CADPS: variants seen among roughly 807,000 people sequenced by gnomAD.
CADPS encodes the protein calcium-dependent secretion activator 1.
In CADPS, 57 loss-of-function variants were observed where a neutral mutation model predicts 167.3. That is an observed-to-expected ratio of 0.34 (90% CI 0.28 to 0.42). The LOEUF (loss-of-function observed/expected upper bound fraction) is 0.42, where lower values mean the gene tolerates loss of function less well. Ranked by LOEUF, CADPS falls within the 20% of genes least tolerant of loss-of-function variation. CADPS has a pLI of 1.00. For missense variants in CADPS, 1,414 were observed against 1,738.1 expected (o/e 0.81, Z 3.32); for synonymous variants, 676 against 635.3 (o/e 1.06, Z -0.96).
At chr3:62,847,302 A>T (rs2077651099) in intron 1 of CADPS, among the ~76,000 whole-genome samples, 4 of 137,564 alleles carry the variant, frequency 2.9e-5, no homozygotes, top group African/African-American at 5.6e-5. Context: ...TTATACTTTA[A>T]GTTTTAGGGT....
At chr3:62,719,227 T>C (rs1048183576) in intron 3 of CADPS, among the ~76,000 whole-genome samples, 1 of 152,202 alleles carries the variant, frequency 6.6e-6, no homozygotes. Context: ...TGGGCCCTGT[T>C]CTAGCCATAC....
Position 62,659,980 on chromosome 3 carries a change from T to C in CADPS, c.969+2334A>G, listed in dbSNP as rs150131790. On this transcript the variant is annotated intron_variant, in intron 4 of 29. Coordinates refer to ENST00000383710, the MANE Select transcript of CADPS (RefSeq NM_003716.4). The stretch of plus-strand genomic sequence containing the variant: ...AAATAATAATCAAGATCCACTTTAA[T>C]TGCCTACTTCATTGTCTAAGAATGC... 1.9e-3 allele frequency among the ~76,000 whole-genome samples: 287 copies of C among 152,312 alleles called. 2 individuals are homozygous for C. Among genetic ancestry groups the C allele is most frequent in the African/African-American group, 6.7e-3 (279 of 41,576 alleles).
chr3:62,605,704 T>A (rs2060604307), intron 6 of CADPS, among the ~76,000 whole-genome samples: 1 of 152,196 alleles, frequency 6.6e-6, no homozygotes, highest in African/African-American at 2.4e-5. Flanking sequence ...AAAATGGAGA[T>A]GTCTATAGTG....
intron 10 of CADPS, among the ~76,000 whole-genome samples, chr3:62,555,119 G>A (rs1036604008): frequency 3.3e-5 from 5 of 152,148 alleles, no homozygotes; most frequent in African/African-American, 7.2e-5. Context: ...TTAAGTCTCC[G>A]TTTTCAATCA....
intron 3 of CADPS, among the ~76,000 whole-genome samples, chr3:62,748,325 G>C (rs140223008): frequency 9.1e-6 from 1 of 109,654 alleles, no homozygotes; most frequent in Non-Finnish European, 1.8e-5. Flanking sequence ...CAGCCTGGGC[G>C]AGAAGCGAGA....
chr3:62,855,995 A>G (rs1422721061), intron 1 of CADPS, among the ~76,000 whole-genome samples: 1 of 152,210 alleles, frequency 6.6e-6, no homozygotes, highest in African/African-American at 2.4e-5. Context: ...AACAAAGACT[A>G]TTCTTTGTTT....
At chr3:62,453,720 A>G (rs1048151315) in intron 26 of CADPS, among the ~76,000 whole-genome samples, 2 of 152,168 alleles carry the variant, frequency 1.3e-5, no homozygotes, top group African/African-American at 2.4e-5. Flanking sequence ...GCCCCTTCCA[A>G]TACTTTCTGA....
At chr3:62,470,970 G>A (rs1320994765) in intron 24 of CADPS, among the ~76,000 whole-genome samples, 1 of 152,160 alleles carries the variant, frequency 6.6e-6, no homozygotes, top group African/African-American at 2.4e-5. Context: ...ATAGAACAAT[G>A]TCTAGAAAGA....
chr3:62,481,914 A>C (rs771499915), intron 21 of CADPS, 45 bp from the exon 22 acceptor site: 20 of 1,574,546 alleles, frequency 1.3e-5, no homozygotes, highest in Non-Finnish European at 1.7e-5. Context: ...TCACAGTGAC[A>C]ATGCAGATGT....
At chr3:62,530,359 G>A (rs1247322845) in intron 13 of CADPS, among the ~76,000 whole-genome samples, 1 of 152,088 alleles carries the variant, frequency 6.6e-6, no homozygotes, top group East Asian at 1.9e-4. Context: ...CCCCTAACTA[G>A]ATGCCACTAA....
At chr3:62,819,617 G>T (rs1028305965) in intron 1 of CADPS, among the ~76,000 whole-genome samples, 3 of 152,142 alleles carry the variant, frequency 2.0e-5, no homozygotes, top group African/African-American at 7.2e-5. Flanking sequence ...ATGGCAGATG[G>T]TTTATGCTAA....
intron 1 of CADPS, among the ~76,000 whole-genome samples, chr3:62,866,780 C>G (rs2081774248): frequency 1.3e-5 from 2 of 151,978 alleles, no homozygotes; most frequent in Admixed American, 1.3e-4. Context: ...CCATGTACCC[C>G]ATATTAAAGA....
At chr3:62,490,665 G>A (rs1420790403) in intron 21 of CADPS, among the ~76,000 whole-genome samples, 10 of 152,124 alleles carry the variant, frequency 6.6e-5, no homozygotes, top group Admixed American at 6.5e-4. Context: ...GGAAAATCCG[G>A]GTTAAACAGA....
At chr3:62,479,451 C>T (rs1310692235) in intron 22 of CADPS, among the ~76,000 whole-genome samples, 2 of 152,226 alleles carry the variant, frequency 1.3e-5, no homozygotes, top group Non-Finnish European at 1.5e-5. Flanking sequence ...GTTCTGACAT[C>T]GTCTATAGAA....
intron 6 of CADPS, among the ~76,000 whole-genome samples, chr3:62,607,845 A>G (rs1376268980): frequency 6.6e-6 from 1 of 152,064 alleles, no homozygotes; most frequent in Non-Finnish European, 1.5e-5. Flanking sequence ...TCTTTTCAAC[A>G]CTTATGAGAA....
At chr3:62,417,194 T>C in intron 28 of CADPS, among the ~76,000 whole-genome samples, 1 of 152,120 alleles carries the variant, frequency 6.6e-6, no homozygotes, top group Non-Finnish European at 1.5e-5. Context: ...TTAAACGCTC[T>C]GAGAAGTTCT....
intron 3 of CADPS, among the ~76,000 whole-genome samples, chr3:62,680,624 T>C (rs1158402224): frequency 6.6e-6 from 1 of 152,062 alleles, no homozygotes. Context: ...TGATAGTGGC[T>C]CAACTTGTCT....
At position 62,516,244 on chromosome 3, in the gene CADPS, C is replaced by T. The variant is rs539084655; in HGVS notation, c.2458-62G>A. 54 of 1,589,780 alleles carry T rather than the reference C, an allele frequency of 3.4e-5. 1 individual carries two copies. In the East Asian group the frequency reaches 1.1e-3, roughly 34 times the overall value. ...CAAGCAAATGTGTCACTCATCCATA[C>T]TTCTTAGAAGCGTGAAAGTTTAAAA... On this transcript the variant is annotated intron_variant, in intron 15 of 29. Transcript: ENST00000383710.
chr3:62,559,769 C>T (rs1242798164), intron 9 of CADPS, among the ~76,000 whole-genome samples: 1 of 152,126 alleles, frequency 6.6e-6, no homozygotes, highest in Non-Finnish European at 1.5e-5. Flanking sequence ...GCTGGGATTA[C>T]AGGCGTGAGC....
Sources: allele counts gnomAD v4.1 joint callset (sites outside exome capture counted in the v4.1 genomes callset), GRCh38; gene constraint gnomAD v4.1.1; transcripts MANE v1.5; gene names NCBI Gene and HGNC (gene_info 2026-07-23, HGNC 2026-07-21).